The following CDH20 variants were observed in gnomAD, a reference collection of about 807,000 sequenced individuals.
CDH20 encodes cadherin 20.
In CDH20, 29 loss-of-function variants were observed where a neutral mutation model predicts 74.2. That is an observed-to-expected ratio of 0.39 (90% CI 0.29 to 0.53). CDH20 has a LOEUF of 0.53. Among genes scored for constraint, CDH20 ranks in the 20% least tolerant of loss-of-function variants. The pLI, the probability that CDH20 is intolerant of heterozygous loss-of-function variation, is 0.69. For missense variants in CDH20, 988 were observed against 1,048.3 expected (o/e 0.94, Z 0.79); for synonymous variants, 469 against 405.4 (o/e 1.16, Z -1.88).
intron 6 of CDH20, among the ~76,000 whole-genome samples, chr18:61,523,639 G>A (rs1164687057): frequency 4.6e-5 from 7 of 152,202 alleles, no homozygotes; most frequent in South Asian, 2.1e-4. Context: ...TTACAGCACT[G>A]TTCACAATAG....
At chr18:61,508,385 T>C (rs1345256758) in intron 6 of CDH20, among the ~76,000 whole-genome samples, 2 of 152,138 alleles carry the variant, frequency 1.3e-5, no homozygotes, top group African/African-American at 2.4e-5. Context: ...GTCACTAAAG[T>C]AGTTTATTAG....
Position 61,555,269 on chromosome 18 carries a change from G to T in CDH20, c.*574G>T, listed in dbSNP as rs1245567849. 1 of 914,678 alleles carries T rather than the reference G, an allele frequency of 1.1e-6. No homozygotes were observed. Among genetic ancestry groups the T allele is most frequent in the African/African-American group, 1.9e-5 (1 of 52,944 alleles). The allele number at this position is 914,678 out of a possible 1,614,324, so 56.7% of individuals were successfully genotyped here. A position where few individuals can be genotyped will look rare whatever the true frequency, so the allele number is the denominator to read the frequency against. On this transcript the variant is annotated 3_prime_UTR_variant, in exon 12 of 12. Coordinates refer to ENST00000262717, the MANE Select transcript of CDH20 (RefSeq NM_031891.4). ...ACAAGGTTAAGACTGAATCAGCCTT[G>T]CATGGGGGTGGATGGGTGGGAGGGT...
At chr18:61,527,085 C>A (rs1370447869) in intron 6 of CDH20, among the ~76,000 whole-genome samples, 1 of 152,110 alleles carries the variant, frequency 6.6e-6, no homozygotes, top group African/African-American at 2.4e-5. Flanking sequence ...GAGGCTGAGG[C>A]AGAAGAATCG....
At chr18:61,428,736 C>T (rs1011927253) in intron 1 of CDH20, among the ~76,000 whole-genome samples, 1 of 152,222 alleles carries the variant, frequency 6.6e-6, no homozygotes, top group African/African-American at 2.4e-5. Flanking sequence ...GACACTAGCC[C>T]ATGGTTCCTG....
rs1208507238 is a variant in CDH20 at position 61,503,660 on chromosome 18, C to T, written c.829+540C>T. ...GTGAGACCCCTGGACATGAAGGGCA[C>T]AGGAGGCTTGGAATCCTGTCTCTGC... On this transcript the variant is annotated intron_variant, in intron 5 of 11. Transcript: ENST00000262717. 2.0e-5 allele frequency among the ~76,000 whole-genome samples: 3 copies of T among 152,198 alleles called. No homozygotes were observed. In the East Asian group the frequency reaches 5.8e-4, roughly 29 times the overall value.
chr18:61,522,285 A>T (rs917762888), intron 6 of CDH20, among the ~76,000 whole-genome samples: 5 of 152,222 alleles, frequency 3.3e-5, no homozygotes, highest in African/African-American at 1.2e-4. Context: ...ATAGATAGAG[A>T]GCCAAATCAT....
intron 1 of CDH20, among the ~76,000 whole-genome samples, chr18:61,411,633 CCA>C (rs138526165): frequency 0.024 from 3,458 of 142,974 alleles, 71 homozygotes; most frequent in Non-Finnish European, 0.03. Flanking sequence ...AGATATGTAT[CCA>C]CACACACACA....
In CDH20 at chr18:61,527,905, G is replaced by A. The variant is rs76935902; in HGVS notation, c.1018-62G>A. On this transcript the variant is annotated intron_variant, in intron 6 of 11. Coordinates refer to ENST00000262717, the MANE Select transcript of CDH20 (RefSeq NM_031891.4). ...ATCAATATTGGGCATCCTTTTGAAC[G>A]TTGACATATTTTGAATCTTGAACCT... 2.6e-5 allele frequency: 40 copies of A among 1,550,296 alleles called. No homozygotes were observed. The African/African-American group carries it at 4.2e-4, about 16-fold the overall frequency.
chr18:61,421,195 G>A (rs1227825646), intron 1 of CDH20, among the ~76,000 whole-genome samples: 2 of 152,278 alleles, frequency 1.3e-5, no homozygotes, highest in South Asian at 4.1e-4. Flanking sequence ...TAATGAAATG[G>A]TGTCTAAAAT....
chr18:61,444,825 C>T (rs1310580544), intron 1 of CDH20, among the ~76,000 whole-genome samples: 4 of 152,140 alleles, frequency 2.6e-5, no homozygotes, highest in African/African-American at 9.7e-5. Flanking sequence ...CCTTGTTCTC[C>T]ATAATTTCAA....
chr18:61,549,928 A>G (rs753038189), intron 10 of CDH20, 50 bp from the exon 11 acceptor site: 2 of 1,583,996 alleles, frequency 1.3e-6, no homozygotes, highest in Admixed American at 3.4e-5. Context: ...TCAATCCAAG[A>G]AATTAATTCA....
rs553617793 is a variant in CDH20 at position 61,382,370 on chromosome 18, G to A, written c.-153+48543G>A. Among the ~76,000 whole-genome samples the A allele has an allele frequency of 4.1e-3, 623 of 152,254 alleles. 1 individual carries two copies. Among genetic ancestry groups the A allele is most frequent in the Middle Eastern group, 6.8e-3 (2 of 292 alleles). ...AAACGTAATGGCCAAAAAGTAGAAC[G>A]AGAAAAGGGCTTTGGAGTCAAGAAG... On this transcript the variant is annotated intron_variant, in intron 1 of 11. Coordinates refer to ENST00000262717, the MANE Select transcript of CDH20 (RefSeq NM_031891.4).
intron 2 of CDH20, 79 bp downstream of exon 2, chr18:61,490,878 C>A: frequency 1.3e-6 from 2 of 1,484,270 alleles, no homozygotes; most frequent in Non-Finnish European, 9.3e-7. Context: ...GTTGACCTAG[C>A]CTTTATCTGA....
chr18:61,409,938 G>A (rs1468977754), intron 1 of CDH20, among the ~76,000 whole-genome samples: 1 of 152,148 alleles, frequency 6.6e-6, no homozygotes, highest in Non-Finnish European at 1.5e-5. Flanking sequence ...GACCATAGAT[G>A]TCTGACCACA....
Position 61,490,645 on chromosome 18 carries a change from C to A in CDH20, c.92C>A (p.Thr31Asn), listed in dbSNP as rs1182434562. ...YFWGLMDLTT[T>N]VLSDTPTPQG... ...TGGGGGCTGATGGACCTTACGACCA[C>A]CGTTCTCTCGGACACCCCAACACCA... Residue 31 changes from threonine (T) to asparagine (N), a missense_variant, in exon 2 of 12, where the codon ACC becomes AAC. Around this residue, in one of 2 missense-constraint regions of CDH20, gnomAD observed 613 missense variants for 755.2 expected, o/e 0.81. Coordinates refer to ENST00000262717, the MANE Select transcript of CDH20 (RefSeq NM_031891.4). 1.2e-6 allele frequency: 2 copies of A among 1,614,028 alleles called. No individual in the cohort carries two copies. Among genetic ancestry groups the A allele is most frequent in the Admixed American group, 3.3e-5 (2 of 59,994 alleles).
intron 1 of CDH20, among the ~76,000 whole-genome samples, chr18:61,352,163 A>G (rs1910326454): frequency 1.3e-5 from 2 of 152,210 alleles, no homozygotes; most frequent in African/African-American, 4.8e-5. Flanking sequence ...ACCATAATGA[A>G]CTGGAAACAT....
At chr18:61,372,293 G>T (rs1023284344) in intron 1 of CDH20, among the ~76,000 whole-genome samples, 3 of 151,758 alleles carry the variant, frequency 2.0e-5, no homozygotes, top group Non-Finnish European at 4.4e-5. Flanking sequence ...TTGTTCTGTT[G>T]CACAGAATAC....
intron 1 of CDH20, among the ~76,000 whole-genome samples, chr18:61,359,997 G>A (rs377100038): frequency 1.4e-4 from 21 of 152,106 alleles, no homozygotes; most frequent in African/African-American, 2.2e-4. Context: ...AAAAGTTGCC[G>A]TCAAATTTAA....
At chr18:61,402,915 C>T (rs1306691818) in intron 1 of CDH20, among the ~76,000 whole-genome samples, 1 of 152,164 alleles carries the variant, frequency 6.6e-6, no homozygotes, top group Non-Finnish European at 1.5e-5. Context: ...AGAACATCTG[C>T]AGATTTATGC....
Sources: gnomAD v4.1 joint callset for allele counts (sites outside exome capture counted in the v4.1 genomes callset) on GRCh38, gnomAD v4.1.1 for gene constraint, gnomAD v4.1.1 regional missense constraint, MANE v1.5 for transcripts, NCBI Gene and HGNC (gene_info 2026-07-23, HGNC 2026-07-21) for gene names.